The following PDS5B variants were observed in gnomAD, a reference collection of about 807,000 sequenced individuals.
PDS5B encodes the protein PDS5 cohesin associated factor B, also known as sister chromatid cohesion protein PDS5 homolog B.
PDS5B carries 51 observed loss-of-function variants against 184.1 expected under a neutral mutation model. The observed-to-expected ratio is 0.28, with a 90% confidence interval of 0.22 to 0.35. The LOEUF (loss-of-function observed/expected upper bound fraction) is 0.35, where lower values mean the gene tolerates loss of function less well. PDS5B is among the 10% of genes least tolerant of loss of function. The pLI is 1.00. For synonymous variants in PDS5B, 566 were observed against 569.2 expected, an observed-to-expected ratio of 0.99 and a Z score of 0.08; for missense variants, 1,180 against 1,723.3, an observed-to-expected ratio of 0.68 and a Z score of 5.58.
chr13:32,642,756 T>G (rs975510362), intron 1 of PDS5B, among the ~76,000 whole-genome samples: 23 of 152,194 alleles, frequency 1.5e-4, no homozygotes, highest in Non-Finnish European at 2.8e-4. Flanking sequence ...CTGAGATTTA[T>G]TCAGAATGTT....
intron 21 of PDS5B, among the ~76,000 whole-genome samples, chr13:32,735,675 T>C (rs1953305987): frequency 6.6e-6 from 1 of 152,160 alleles, no homozygotes; most frequent in South Asian, 2.1e-4. Context: ...GTTGTCATGA[T>C]TATAGTTTTA....
chr13:32,638,862 A>T (rs2058610288), intron 1 of PDS5B, among the ~76,000 whole-genome samples: 1 of 151,998 alleles, frequency 6.6e-6, no homozygotes. Flanking sequence ...GAATGGGTGC[A>T]AATGTACATA....
chr13:32,764,627 T>C, intron 31 of PDS5B, 33 bp downstream of exon 31: 2 of 1,184,174 alleles, frequency 1.7e-6, no homozygotes, highest in Non-Finnish European at 2.4e-6. Context: ...ATAATAATAT[T>C]AATGATAATT....
chr13:32,681,941 CA>C (rs1372278242), intron 10 of PDS5B, among the ~76,000 whole-genome samples: 1 of 151,942 alleles, frequency 6.6e-6, no homozygotes, highest in African/African-American at 2.4e-5. Context: ...ACAGGAGAAA[CA>C]AAAGGGAAGT....
intron 3 of PDS5B, among the ~76,000 whole-genome samples, chr13:32,657,700 A>G (rs570780895): frequency 6.6e-6 from 1 of 152,174 alleles, no homozygotes; most frequent in Non-Finnish European, 1.5e-5. Flanking sequence ...AAAATATGAG[A>G]TGGGAATAGA....
intron 1 of PDS5B, among the ~76,000 whole-genome samples, chr13:32,589,377 A>G (rs2140454658): frequency 6.6e-6 from 1 of 152,268 alleles, no homozygotes; most frequent in South Asian, 2.1e-4. Context: ...TCATTTAACC[A>G]AGAATAAAGT....
chr13:32,659,255 T>C lies in PDS5B; in HGVS notation c.599T>C (p.Leu200Ser). 6.3e-7 allele frequency: 1 copy of C among 1,590,276 alleles called. No homozygotes were observed. Among genetic ancestry groups the C allele is most frequent in the Non-Finnish European group, 8.6e-7 (1 of 1,164,788 alleles). ...TCTCAGGAGCTTTTGGATACGGTTT[T>C]AGTAAATCTGGTACCTGCTCATAAG... ...TVSQELLDTV[L>S]VNLVPAHKNL... Residue 200 changes from leucine (L) to serine (S), a missense_variant, in exon 6 of 35, where the codon TTA (leucine) becomes TCA (serine). Transcript: ENST00000315596.
chr13:32,634,359 T>C (rs1197496991), intron 1 of PDS5B, among the ~76,000 whole-genome samples: 2 of 150,958 alleles, frequency 1.3e-5, no homozygotes, highest in Non-Finnish European at 2.9e-5. Flanking sequence ...AGAATCTAGT[T>C]GATTCACTTT....
chr13:32,739,216 T>C (rs1953452059), intron 21 of PDS5B, among the ~76,000 whole-genome samples: 1 of 152,140 alleles, frequency 6.6e-6, no homozygotes, highest in Non-Finnish European at 1.5e-5. Flanking sequence ...TGCTGCATGT[T>C]AGGGTTACCA....
chr13:32,651,860 T>G lies in PDS5B; in HGVS notation c.165T>G (p.Leu55=), dbSNP rs748844944. The part of the protein sequence containing the change: ...MDQDSEEEKE[L]YLNLALHLAS... Reference sequence around the variant, plus strand: ...AGGACTCTGAAGAAGAAAAGGAGCTTTATTTAAACCTAGCTTTACATCTTG... The same window carrying G: ...AGGACTCTGAAGAAGAAAAGGAGCTGTATTTAAACCTAGCTTTACATCTTG... The change falls in exon 3 of 35, where the codon CTT becomes CTG. Residue 55 remains leucine, a synonymous_variant. Transcript: ENST00000315596. 6.2e-7 allele frequency: 1 copy of G among 1,613,558 alleles called. No homozygotes were observed. The highest frequency in any genetic ancestry group is 1.1e-5 in the South Asian group (1 of 91,074).
intron 10 of PDS5B, among the ~76,000 whole-genome samples, chr13:32,679,352 A>G (rs1951167221): frequency 6.6e-6 from 1 of 152,178 alleles, no homozygotes; most frequent in Non-Finnish European, 1.5e-5. Context: ...GATGCTTCCA[A>G]CCTATGTAGG....
intron 6 of PDS5B, among the ~76,000 whole-genome samples, chr13:32,665,089 G>C (rs745474009): frequency 1.9e-4 from 29 of 152,130 alleles, no homozygotes; most frequent in Non-Finnish European, 3.7e-4. Flanking sequence ...CTGAATGAAG[G>C]CATCCTTATG....
chr13:32,612,392 T>A (rs2140512555), intron 1 of PDS5B, among the ~76,000 whole-genome samples: 1 of 152,274 alleles, frequency 6.6e-6, no homozygotes, highest in Admixed American at 6.5e-5. Flanking sequence ...AAGAACAATT[T>A]TATTTAGGTA....
intron 2 of PDS5B, chr13:32,650,678 T>C (rs1250118178): frequency 6.6e-6 from 1 of 152,194 alleles, no homozygotes; most frequent in African/African-American, 2.4e-5. Flanking sequence ...ATACCCTTAA[T>C]CTAAATGTAG....
chr13:32,677,133 A>C (rs1053021195), intron 9 of PDS5B, among the ~76,000 whole-genome samples: 2 of 152,038 alleles, frequency 1.3e-5, no homozygotes, highest in African/African-American at 4.8e-5. Flanking sequence ...TAAGCTTCAG[A>C]TCTCCAGTCT....
Position 32,635,791 on chromosome 13 carries a change from A to G in PDS5B, c.-19-12963A>G, listed in dbSNP as rs996843364. ...TTTTTTTTTTTTTTTTTTTTGAGGC[A>G]GAGTCTTGCTCTGTCGCCCAGGCTG... On this transcript the variant is annotated intron_variant, in intron 1 of 34. Transcript: ENST00000315596. Among the ~76,000 whole-genome samples the G allele has an allele frequency of 2.1e-3, 288 of 134,270 alleles. 3 individuals are homozygous for G. Among genetic ancestry groups the G allele is most frequent in the African/African-American group, 8.0e-3 (284 of 35,512 alleles). 88.1% of individuals were successfully genotyped at this position (134,270 alleles called of 152,430 possible). A position where few individuals can be genotyped will look rare whatever the true frequency, so the allele number is the denominator to read the frequency against.
chr13:32,652,316 A>C (rs1205969357), intron 3 of PDS5B: 2 of 240,088 alleles, frequency 8.3e-6, no homozygotes, highest in African/African-American at 4.5e-5. Context: ...ATTGAAGACC[A>C]TGGCCATTAT....
chr13:32,683,561 C>G (rs900148551), intron 10 of PDS5B, among the ~76,000 whole-genome samples: 7 of 152,070 alleles, frequency 4.6e-5, no homozygotes, highest in African/African-American at 1.4e-4. Context: ...CTCAAGTGAT[C>G]TGCCCGCCTC....
At chr13:32,714,047 A>G (rs1952290853) in intron 19 of PDS5B, among the ~76,000 whole-genome samples, 1 of 152,222 alleles carries the variant, frequency 6.6e-6, no homozygotes, top group Non-Finnish European at 1.5e-5. Flanking sequence ...GTGATGCCCC[A>G]CAAGCCACAA....
Sources: allele counts gnomAD v4.1 joint callset (sites outside exome capture counted in the v4.1 genomes callset), GRCh38; gene constraint gnomAD v4.1.1; transcripts MANE v1.5; gene names NCBI Gene and HGNC (gene_info 2026-07-23, HGNC 2026-07-21).